The following LRPPRC variants were observed in gnomAD, a reference collection of about 807,000 sequenced individuals.
LRPPRC encodes leucine rich pentatricopeptide repeat containing.
In LRPPRC, 120 loss-of-function variants were observed where a neutral mutation model predicts 180.3. The observed-to-expected ratio is 0.67, with a 90% CI of 0.57 to 0.77. LRPPRC has a LOEUF of 0.77. LRPPRC is among the 30% of genes least tolerant of loss of function. The pLI, the probability that LRPPRC is intolerant of heterozygous loss-of-function variation, is 0.00. For synonymous variants in LRPPRC, 723 were observed against 600.0 expected, an observed-to-expected ratio of 1.21 and a Z score of -3.00; for missense variants, 2,012 against 1,657.2, an observed-to-expected ratio of 1.21 and a Z score of -3.72.
intron 27 of LRPPRC, among the ~76,000 whole-genome samples, chr2:43,924,452 A>AGT (rs1572926219): frequency 6.6e-6 from 1 of 152,342 alleles, no homozygotes. Context: ...TGAATAACGT[A>AGT]GTGTTGTTTT....
At chr2:43,915,198 A>ACTCTCTCTCTCTCTCTCTCTCTCT (rs142492838) in intron 29 of LRPPRC, among the ~76,000 whole-genome samples, 5 of 63,446 alleles carry the variant, frequency 7.9e-5, no homozygotes, top group Admixed American at 1.8e-4. Flanking sequence ...ACAGAACAAG[A>ACTCTCTCTCTCTCTCTCTCTCTCT]CTCTCTCTCT....
At chr2:43,987,368 G>A (rs1274436944) in intron 1 of LRPPRC, among the ~76,000 whole-genome samples, 4 of 151,180 alleles carry the variant, frequency 2.6e-5, no homozygotes, top group Non-Finnish European at 5.9e-5. Flanking sequence ...CGTGGCGGGC[G>A]CCTATAGTCC....
chr2:43,958,058 A>G (rs1673194509), intron 13 of LRPPRC, among the ~76,000 whole-genome samples: 1 of 152,182 alleles, frequency 6.6e-6, no homozygotes, highest in Non-Finnish European at 1.5e-5. Flanking sequence ...TCATTTTGAC[A>G]TTTAACAGTC....
chr2:43,896,802 A>C, intron 34 of LRPPRC, 94 bp from the exon 35 acceptor site: 1 of 802,662 alleles, frequency 1.2e-6, no homozygotes, highest in Non-Finnish European at 2.2e-6. Context: ...ACAATAATAC[A>C]GTAGTGTATT....
At chr2:43,981,118 T>C (rs1417575651) in intron 2 of LRPPRC, among the ~76,000 whole-genome samples, 2 of 151,998 alleles carry the variant, frequency 1.3e-5, no homozygotes, top group Non-Finnish European at 2.9e-5. Context: ...ATGAGGCTTT[T>C]GGGGGTCGGG....
chr2:43,918,494 G>A (rs1371376471), intron 27 of LRPPRC, 96 bp from the exon 28 acceptor site: 3 of 969,040 alleles, frequency 3.1e-6, no homozygotes, highest in Non-Finnish European at 4.8e-6. Context: ...GTTGAAGAAA[G>A]CATTATTCCA....
rs768583179 is a variant in LRPPRC, at chr2:43,975,225, T to G, written c.738-8A>C. 4.6e-5 allele frequency: 74 copies of G among 1,611,328 alleles called. No homozygotes were observed. The highest frequency in any genetic ancestry group is 5.8e-5 in the Non-Finnish European group (68 of 1,179,184). ...TCTGCATTCTCCATATCACTACAAG[T>G]TAATTCAAAAAACAGATTATTATGC... On this transcript the variant is annotated splice_region_variant and splice_polypyrimidine_tract_variant and intron_variant, in intron 6 of 37. Transcript: ENST00000260665.
chr2:43,916,120 C>A (rs914688579), intron 29 of LRPPRC, among the ~76,000 whole-genome samples: 11 of 152,118 alleles, frequency 7.2e-5, no homozygotes, highest in Admixed American at 3.3e-4. Flanking sequence ...TAAATTGATT[C>A]CTTTCCAATA....
chr2:43,981,954 C>T (rs1674327350), intron 2 of LRPPRC, among the ~76,000 whole-genome samples: 1 of 152,184 alleles, frequency 6.6e-6, no homozygotes, highest in South Asian at 2.1e-4. Context: ...GTCGCCCAGG[C>T]TGGAGTGCAG....
At chr2:43,942,363 TATTA>T (rs1422065125) in intron 23 of LRPPRC, among the ~76,000 whole-genome samples, 3 of 152,246 alleles carry the variant, frequency 2.0e-5, no homozygotes, top group African/African-American at 7.2e-5. Context: ...ATAGGAAGCA[TATTA>T]ATTATAGGAT....
At position 43,975,073 on chromosome 2, in the gene LRPPRC, T is replaced by C; in HGVS notation, c.864+18A>G. 6.2e-7 allele frequency: 1 copy of C among 1,610,182 alleles called. No homozygotes were observed. The highest frequency in any genetic ancestry group is 8.5e-7 in the Non-Finnish European group (1 of 1,178,936). ...TACAAATGATTTTAAAGTATGTTTA[T>C]TTAGACATAAGTCATACCTGCTTAA... On this transcript the variant is annotated intron_variant, in intron 7 of 37. Transcript: ENST00000260665.
At chr2:43,953,654 G>A (rs541103483) in intron 14 of LRPPRC, among the ~76,000 whole-genome samples, 13 of 152,170 alleles carry the variant, frequency 8.5e-5, no homozygotes, top group Non-Finnish European at 1.9e-4. Context: ...CAGGGGAGAC[G>A]CAGAGCACCT....
chr2:43,949,257 C>T (rs911555217), intron 16 of LRPPRC, among the ~76,000 whole-genome samples: 5 of 152,224 alleles, frequency 3.3e-5, no homozygotes, highest in South Asian at 4.1e-4. Flanking sequence ...CAAGAACCTT[C>T]GCTACATTTT....
At chr2:43,895,935 T>A (rs1398118899) in intron 35 of LRPPRC, among the ~76,000 whole-genome samples, 1 of 152,046 alleles carries the variant, frequency 6.6e-6, no homozygotes, top group Non-Finnish European at 1.5e-5. Flanking sequence ...TTTTAAAAAA[T>A]TTTTTCAAAA....
chr2:43,987,150 T>C (rs1674561789), intron 1 of LRPPRC, among the ~76,000 whole-genome samples: 1 of 152,172 alleles, frequency 6.6e-6, no homozygotes, highest in African/African-American at 2.4e-5. Flanking sequence ...TGCTGGAGCC[T>C]CCCGAGTTTT....
chr2:43,906,374 G>A (rs560126195), intron 30 of LRPPRC, among the ~76,000 whole-genome samples: 27 of 152,088 alleles, frequency 1.8e-4, no homozygotes, highest in Non-Finnish European at 2.1e-4. Context: ...TCTTGCCCTA[G>A]CTTAAGTTTG....
intron 11 of LRPPRC, among the ~76,000 whole-genome samples, chr2:43,966,561 C>T (rs1243678885): frequency 6.6e-6 from 1 of 151,762 alleles, no homozygotes; most frequent in Non-Finnish European, 1.5e-5. Context: ...CAGGCGCACG[C>T]CACCACGCCG....
intron 34 of LRPPRC, among the ~76,000 whole-genome samples, chr2:43,898,611 G>C (rs1363538658): frequency 6.6e-6 from 1 of 152,196 alleles, no homozygotes; most frequent in Non-Finnish European, 1.5e-5. Context: ...CATGAATGCA[G>C]TTGTCTCCTT....
chr2:43,887,108 T>G lies in LRPPRC; in HGVS notation c.*1492A>C, dbSNP rs1044097316. ...TTGCAGTGAGCTGAGATTGCGCCAC[T>G]GCACTCTGGCTTAAGCAACAGAGCA... is the stretch of plus-strand genomic sequence containing the variant. On this transcript the variant is annotated 3_prime_UTR_variant, in exon 38 of 38. Transcript: ENST00000260665. The G allele has an allele frequency of 1.5e-5, 2 of 131,110 alleles. No homozygotes were observed. Among genetic ancestry groups the G allele is most frequent in the Non-Finnish European group, 3.1e-5 (2 of 63,966 alleles). The allele number at this position is 131,110 out of a possible 1,614,324, so 8.1% of individuals were successfully genotyped here.
Sources: allele counts gnomAD v4.1 joint callset (sites outside exome capture counted in the v4.1 genomes callset), GRCh38; gene constraint gnomAD v4.1.1; transcripts MANE v1.5; gene names NCBI Gene and HGNC (gene_info 2026-07-23, HGNC 2026-07-21).